BLTP3B: variants seen among roughly 807,000 people sequenced by gnomAD.
BLTP3B encodes bridge-like lipid transfer protein family member 3B.
At chr12:100,135,965 C>T in the BLTP3B span, among the ~76,000 whole-genome samples, 1 of 152,156 alleles carries the variant, frequency 6.6e-6, no homozygotes, top group Non-Finnish European at 1.5e-5. Flanking sequence ...GTAATCCCAG[C>T]ACTTTGGGAG....
At chr12:100,053,075 A>G in the BLTP3B span, among the ~76,000 whole-genome samples, 36,523 of 151,086 alleles carry the variant, frequency 0.24, 6,409 homozygotes, top group African/African-American at 0.5. Context: ...TTACAGGTGT[A>G]AACCACTGCG....
the BLTP3B span, among the ~76,000 whole-genome samples, chr12:100,140,157 CT>C: frequency 4.6e-5 from 7 of 152,162 alleles, no homozygotes; most frequent in Non-Finnish European, 8.8e-5. Flanking sequence ...CAACACCTGC[CT>C]TCTTTTGTCA....
chr12:100,093,966 G>A, the BLTP3B span, among the ~76,000 whole-genome samples: 2 of 152,050 alleles, frequency 1.3e-5, no homozygotes, highest in Non-Finnish European at 2.9e-5. Context: ...TTTCTAAGAC[G>A]TAATTTTATT....
chr12:100,051,162 C>T, the BLTP3B span: 1 of 1,614,078 alleles, frequency 6.2e-7, no homozygotes, highest in Non-Finnish European at 8.5e-7. Flanking sequence ...TGTAGGTTTG[C>T]ACCAGCATTC....
the BLTP3B span, among the ~76,000 whole-genome samples, chr12:100,108,883 G>C: frequency 6.6e-6 from 1 of 152,170 alleles, no homozygotes; most frequent in Non-Finnish European, 1.5e-5. Context: ...TGGAGATCAA[G>C]AGTAGAAATG....
chr12:100,055,337 T>C, the BLTP3B span, among the ~76,000 whole-genome samples: 4 of 152,138 alleles, frequency 2.6e-5, no homozygotes, highest in African/African-American at 9.7e-5. Flanking sequence ...TAAATACATG[T>C]AAGACGCTTA....
At chr12:100,050,461 C>A in the BLTP3B span, 1 of 652,348 alleles carries the variant, frequency 1.5e-6, no homozygotes, top group Non-Finnish European at 2.3e-6. Flanking sequence ...CTACAGAACA[C>A]GGTTGTTACA....
chr12:100,065,812 C>T, the BLTP3B span, among the ~76,000 whole-genome samples: 3 of 152,100 alleles, frequency 2.0e-5, no homozygotes, highest in Non-Finnish European at 4.4e-5. Flanking sequence ...TCTTTATTGG[C>T]CTCAAAAGCA....
At chr12:100,047,976 C>T in the BLTP3B span, 1 of 1,553,848 alleles carries the variant, frequency 6.4e-7, no homozygotes, top group Non-Finnish European at 8.7e-7. Context: ...AAACTTGTAT[C>T]TTCATTGGCA....
At chr12:100,070,531 A>C in the BLTP3B span, among the ~76,000 whole-genome samples, 1 of 152,154 alleles carries the variant, frequency 6.6e-6, no homozygotes, top group Non-Finnish European at 1.5e-5. Flanking sequence ...TGCTGGGATT[A>C]CAGGCATGAG....
chr12:100,120,668 G>A, the BLTP3B span, among the ~76,000 whole-genome samples: 362 of 152,216 alleles, frequency 2.4e-3, 2 homozygotes, highest in African/African-American at 8.2e-3. Context: ...AAAGCTGTTT[G>A]GAATTTGTTT....
the BLTP3B span, among the ~76,000 whole-genome samples, chr12:100,126,651 T>A: frequency 5.3e-5 from 8 of 152,130 alleles, no homozygotes; most frequent in African/African-American, 1.9e-4. Context: ...CATTAAAAGA[T>A]TTTTAGCAAG....
chr12:100,124,937 TATATATATATATA>T, the BLTP3B span, among the ~76,000 whole-genome samples: 7 of 3,660 alleles, frequency 1.9e-3, no homozygotes, highest in Non-Finnish European at 3.3e-3. Context: ...AAAAAAATTT[TATATATATATATA>T]TATATATATA....
At chr12:100,112,390 C>T in the BLTP3B span, among the ~76,000 whole-genome samples, 1 of 152,168 alleles carries the variant, frequency 6.6e-6, no homozygotes, top group Middle Eastern at 3.4e-3. Context: ...TCCTGTAGTC[C>T]CAGTTACTGA....
At chr12:100,100,051 C>T in the BLTP3B span, among the ~76,000 whole-genome samples, 1 of 151,570 alleles carries the variant, frequency 6.6e-6, no homozygotes, top group Non-Finnish European at 1.5e-5. Context: ...ACCTATAATC[C>T]TAGCACTGTG....
the BLTP3B span, among the ~76,000 whole-genome samples, chr12:100,121,558 T>G: frequency 6.6e-6 from 1 of 151,950 alleles, no homozygotes; most frequent in Non-Finnish European, 1.5e-5. Context: ...AGGCCAGGCA[T>G]GGTGGCTCAA....
At chr12:100,084,418 A>G in the BLTP3B span, 1 of 1,301,758 alleles carries the variant, frequency 7.7e-7, no homozygotes, top group Non-Finnish European at 1.1e-6. Flanking sequence ...ACACACACAC[A>G]CACACACAGA....
chr12:100,060,446 T>C, the BLTP3B span, among the ~76,000 whole-genome samples: 1 of 152,210 alleles, frequency 6.6e-6, no homozygotes, highest in Non-Finnish European at 1.5e-5. Flanking sequence ...AAAGTGGTCC[T>C]CGATCACATA....
chr12:100,066,095 C>T, the BLTP3B span, among the ~76,000 whole-genome samples: 3 of 152,182 alleles, frequency 2.0e-5, no homozygotes, highest in Admixed American at 2.0e-4. Context: ...GGACAGGTTC[C>T]CCCAATATTC....
Sources: gnomAD v4.1 joint callset for allele counts (sites outside exome capture counted in the v4.1 genomes callset) on GRCh38, gnomAD v4.1.1 for gene constraint, MANE v1.5 for transcripts, NCBI Gene and HGNC (gene_info 2026-07-23, HGNC 2026-07-21) for gene names.